The following CYP19A1 variants were observed in gnomAD, a reference collection of about 807,000 sequenced individuals.
The protein encoded by CYP19A1 is aromatase.
Under a neutral mutation model 44.4 loss-of-function variants are expected in CYP19A1, and 32 were observed. The ratio of observed to expected loss-of-function variants is 0.72; its 90% CI spans 0.54 to 0.97. The LOEUF (loss-of-function observed/expected upper bound fraction) is 0.97, where lower values mean the gene tolerates loss of function less well. Ranked by LOEUF, CYP19A1 falls within the 50% of genes least tolerant of loss-of-function variation. CYP19A1 has a pLI of 0.00. For synonymous variants in CYP19A1, 212 were observed against 215.6 expected (o/e 0.98, Z 0.14); for missense variants, 598 against 637.8 (o/e 0.94, Z 0.67).
At chr15:51,272,293 A>C (rs565381392) in intron 1 of CYP19A1, among the ~76,000 whole-genome samples, 1 of 152,240 alleles carries the variant, frequency 6.6e-6, no homozygotes, top group Admixed American at 6.5e-5. Context: ...CCCAAAGAGC[A>C]GAAGTTCTCA....
At chr15:51,262,120 A>C (rs1393117936) in intron 1 of CYP19A1, among the ~76,000 whole-genome samples, 1 of 151,636 alleles carries the variant, frequency 6.6e-6, no homozygotes, top group Non-Finnish European at 1.5e-5. Flanking sequence ...GCAGAAAACC[A>C]CTTAAAGGCG....
chr15:51,224,228 G>A (rs2032386746), intron 4 of CYP19A1, among the ~76,000 whole-genome samples: 1 of 152,098 alleles, frequency 6.6e-6, no homozygotes. Flanking sequence ...GACTCACCCA[G>A]TAAGTCAATA....
chr15:51,240,086 A>AG (rs11448257), intron 2 of CYP19A1, among the ~76,000 whole-genome samples: 146,793 of 146,816 alleles, frequency 1, 73,385 homozygotes, highest in Middle Eastern at 1. Context: ...CCTTCTCCGC[A>AG]GAATGACCCT....
At chr15:51,295,908 A>G (rs912966557) in intron 1 of CYP19A1, among the ~76,000 whole-genome samples, 2 of 152,186 alleles carry the variant, frequency 1.3e-5, no homozygotes, top group African/African-American at 4.8e-5. Context: ...AGACCAGGAA[A>G]GGCAGACAAA....
chr15:51,242,043 A>T (rs554046883), intron 2 of CYP19A1: 2 of 153,944 alleles, frequency 1.3e-5, no homozygotes, highest in African/African-American at 4.8e-5. Flanking sequence ...AATTAATCTG[A>T]TATCTGATCA....
chr15:51,266,082 T>A (rs557927867), intron 1 of CYP19A1, among the ~76,000 whole-genome samples: 1 of 152,348 alleles, frequency 6.6e-6, no homozygotes. Context: ...TCTCCCCAGC[T>A]GTGCAGCCCA....
intron 1 of CYP19A1, among the ~76,000 whole-genome samples, chr15:51,315,533 T>C (rs928398010): frequency 6.6e-6 from 1 of 152,222 alleles, no homozygotes; most frequent in Non-Finnish European, 1.5e-5. Flanking sequence ...ATCTGCACAG[T>C]TTACTGTTGT....
At chr15:51,232,159 G>A (rs573295162) in intron 3 of CYP19A1, among the ~76,000 whole-genome samples, 1 of 152,220 alleles carries the variant, frequency 6.6e-6, no homozygotes, top group African/African-American at 2.4e-5. Context: ...TGGAAGACTT[G>A]TCTACACTTG....
intron 1 of CYP19A1, among the ~76,000 whole-genome samples, chr15:51,264,260 G>A (rs78853225): frequency 0.031 from 4,679 of 152,240 alleles, 165 homozygotes; most frequent in East Asian, 0.15. Flanking sequence ...ATGTGAGTGT[G>A]CTGAGGTGAA....
intron 1 of CYP19A1, among the ~76,000 whole-genome samples, chr15:51,319,348 A>G (rs944072977): frequency 5.3e-5 from 8 of 152,252 alleles, no homozygotes; most frequent in African/African-American, 1.4e-4. Context: ...TGCACTACTT[A>G]AAGTATCTGA....
At chr15:51,302,765 TC>T (rs1169872593) in intron 1 of CYP19A1, among the ~76,000 whole-genome samples, 1 of 152,228 alleles carries the variant, frequency 6.6e-6, no homozygotes, top group Non-Finnish European at 1.5e-5. Flanking sequence ...TTCTTTGATG[TC>T]CAGCCCACGT....
intron 8 of CYP19A1, among the ~76,000 whole-genome samples, chr15:51,213,588 A>T (rs990483403): frequency 6.6e-6 from 1 of 152,150 alleles, no homozygotes; most frequent in Non-Finnish European, 1.5e-5. Flanking sequence ...CTCACTAGGA[A>T]GTAGTTAGCG....
chr15:51,217,951 G>A (rs1003628909), intron 6 of CYP19A1, among the ~76,000 whole-genome samples: 1 of 152,126 alleles, frequency 6.6e-6, no homozygotes, highest in Non-Finnish European at 1.5e-5. Flanking sequence ...GTAGGCCACT[G>A]GGCATTTGTC....
intron 1 of CYP19A1, chr15:51,277,964 T>TTTG (rs1400774968): frequency 4.7e-5 from 7 of 149,580 alleles, no homozygotes; most frequent in African/African-American, 1.7e-4. Context: ...GTTTTTTTTT[T>TTTG]TTTTTTTTTT....
chr15:51,319,582 TA>T (rs2036490727), intron 1 of CYP19A1, among the ~76,000 whole-genome samples: 1 of 152,232 alleles, frequency 6.6e-6, no homozygotes, highest in African/African-American at 2.4e-5. Context: ...AAGGGACAAC[TA>T]AACCATGGAT....
intron 1 of CYP19A1, among the ~76,000 whole-genome samples, chr15:51,266,355 G>A (rs976459210): frequency 2.6e-5 from 4 of 152,322 alleles, no homozygotes; most frequent in Admixed American, 1.3e-4. Context: ...AGAGTTTGGA[G>A]CCCAGGCCAC....
chr15:51,330,400 C>T (rs116709297), intron 1 of CYP19A1, among the ~76,000 whole-genome samples: 2,678 of 152,204 alleles, frequency 0.018, 100 homozygotes, highest in African/African-American at 0.061. Flanking sequence ...AGGATTTATA[C>T]ACATACACCT....
chr15:51,300,562 C>T (rs2036091362), intron 1 of CYP19A1, among the ~76,000 whole-genome samples: 1 of 152,118 alleles, frequency 6.6e-6, no homozygotes, highest in African/African-American at 2.4e-5. Context: ...AAGAAGACCA[C>T]AAAGGTGCTG....
chr15:51,264,976 G>A (rs2034864088), intron 1 of CYP19A1, among the ~76,000 whole-genome samples: 1 of 152,212 alleles, frequency 6.6e-6, no homozygotes, highest in Admixed American at 6.5e-5. Flanking sequence ...GTAGGGTTGG[G>A]TCACCAGCTT....
Sources: allele counts gnomAD v4.1 joint callset (sites outside exome capture counted in the v4.1 genomes callset), GRCh38; gene constraint gnomAD v4.1.1; transcripts MANE v1.5; gene names NCBI Gene and HGNC (gene_info 2026-07-23, HGNC 2026-07-21).